The following RGS17 variants were observed in gnomAD, a reference collection of about 807,000 sequenced individuals.
The protein encoded by RGS17 is regulator of G protein signaling 17, also known as regulator of G-protein signaling 17.
In RGS17, 12 loss-of-function variants were observed where a neutral mutation model predicts 25.5. That is an observed-to-expected ratio of 0.47 (90% confidence interval 0.30 to 0.76). The LOEUF (loss-of-function observed/expected upper bound fraction) is 0.76, where lower values mean the gene tolerates loss of function less well. Among genes scored for constraint, RGS17 ranks in the 30% least tolerant of loss-of-function variants. RGS17 has a pLI of 0.07. For missense variants in RGS17, 196 were observed against 242.2 expected (o/e 0.81, Z 1.27); for synonymous variants, 71 against 76.9 (o/e 0.92, Z 0.40).
chr6:153,046,320 T>C (rs1376330694), intron 1 of RGS17, among the ~76,000 whole-genome samples: 1 of 152,024 alleles, frequency 6.6e-6, no homozygotes, highest in African/African-American at 2.4e-5. Context: ...TATATAGTTT[T>C]AAATAGCTGG....
At chr6:153,075,565 A>G (rs1342798864) in intron 1 of RGS17, among the ~76,000 whole-genome samples, 1 of 152,100 alleles carries the variant, frequency 6.6e-6, no homozygotes, top group Non-Finnish European at 1.5e-5. Flanking sequence ...ATAGAGAGAA[A>G]CAACTGATGT....
chr6:153,101,143 G>A (rs1034612026), intron 1 of RGS17, among the ~76,000 whole-genome samples: 1 of 152,128 alleles, frequency 6.6e-6, no homozygotes, highest in South Asian at 2.1e-4. Context: ...TCCAAGCAAC[G>A]GAATAAAAAT....
At chr6:153,012,997 CA>C (rs1289682062) in intron 4 of RGS17, among the ~76,000 whole-genome samples, 1 of 152,074 alleles carries the variant, frequency 6.6e-6, no homozygotes, top group Non-Finnish European at 1.5e-5. Context: ...GATGGCAATC[CA>C]GACTACATTT....
intron 1 of RGS17, among the ~76,000 whole-genome samples, chr6:153,111,295 T>C (rs1777466181): frequency 6.6e-6 from 1 of 152,134 alleles, no homozygotes; most frequent in Admixed American, 6.5e-5. Flanking sequence ...GTAGGCAGTT[T>C]TCCCCTCACA....
chr6:153,070,452 A>C (rs1776771926), intron 1 of RGS17, among the ~76,000 whole-genome samples: 1 of 152,116 alleles, frequency 6.6e-6, no homozygotes, highest in South Asian at 2.1e-4. Context: ...CTATGTATAC[A>C]AGTTGGCTCT....
rs536235055 is a variant in RGS17, at chr6:153,086,805, T to C, written c.-25-42762A>G. Among the ~76,000 whole-genome samples the C allele has an allele frequency of 5.3e-5, 8 of 152,346 alleles. No individual in the cohort carries two copies. In the East Asian group the frequency reaches 1.5e-3, roughly 29 times the overall value. ...AGTTTATCATGCAACCTTCTCATTA[T>C]GACTTAGCTTTCACATTATTATTCA... On this transcript the variant is annotated intron_variant, in intron 1 of 4. Coordinates refer to ENST00000206262, the MANE Select transcript of RGS17 (RefSeq NM_012419.5).
chr6:153,102,122 G>T (rs2129123613), intron 1 of RGS17, among the ~76,000 whole-genome samples: 1 of 152,314 alleles, frequency 6.6e-6, no homozygotes, highest in South Asian at 2.1e-4. Flanking sequence ...TAAGGAAAAT[G>T]ATAAGCCTTA....
chr6:153,124,775 T>C (rs1486843279), intron 1 of RGS17, among the ~76,000 whole-genome samples: 2 of 152,224 alleles, frequency 1.3e-5, no homozygotes, highest in African/African-American at 2.4e-5. Flanking sequence ...TTAAATAATA[T>C]GGATTGCTGT....
intron 1 of RGS17, among the ~76,000 whole-genome samples, chr6:153,123,285 A>G (rs1777663840): frequency 6.6e-6 from 1 of 152,120 alleles, no homozygotes; most frequent in African/African-American, 2.4e-5. Flanking sequence ...AAATAGGTTC[A>G]AATCTTACAT....
Position 153,024,357 on chromosome 6 carries a change from A to T in RGS17, c.349T>A (p.Cys117Ser). ...TTCTGCTCCTTCTTTAAGTCTTCAC[A>T]AGCAAGCCAGAAAAGTAGGTTCTCT... is the stretch of plus-strand genomic sequence containing the variant. ...SEENLLFWLA[C>S]EDLKKEQNKK... The change falls in exon 4 of 5, where the codon TGT becomes AGT. Residue 117 changes from cysteine to serine, a missense_variant. This residue lies in a region of RGS17 where 179 missense variants were observed against 197.6 expected (regional missense o/e 0.91). Coordinates refer to ENST00000206262, the MANE Select transcript of RGS17 (RefSeq NM_012419.5). The T allele has an allele frequency of 1.9e-6, 3 of 1,614,148 alleles. No homozygotes were observed. The highest frequency in any genetic ancestry group is 2.5e-6 in the Non-Finnish European group (3 of 1,179,992).
rs1777530133 is a variant in RGS17 at position 153,115,415 on chromosome 6, A to G, written c.-26+15709T>C. On this transcript the variant is annotated intron_variant, in intron 1 of 4. Coordinates refer to ENST00000206262, the MANE Select transcript of RGS17 (RefSeq NM_012419.5). ...CTTCAAGAACTACAAACCACTGCTC[A>G]AGGAAATAAGAGAGGACACAAATGG... is the stretch of plus-strand genomic sequence containing the variant. 2.0e-5 allele frequency among the ~76,000 whole-genome samples: 3 copies of G among 152,210 alleles called. No homozygotes were observed. In the South Asian group the frequency reaches 6.2e-4, roughly 32 times the overall value.
intron 4 of RGS17, among the ~76,000 whole-genome samples, chr6:153,022,817 A>G (rs688092): frequency 0.76 from 116,032 of 152,096 alleles, 45,247 homozygotes; most frequent in African/African-American, 0.94. Context: ...TGCAGTTTTA[A>G]GATGCAGAAT....
intron 1 of RGS17, among the ~76,000 whole-genome samples, chr6:153,064,683 C>T (rs1362187946): frequency 2.0e-5 from 3 of 151,390 alleles, no homozygotes; most frequent in Admixed American, 1.3e-4. Context: ...CATTAATTTT[C>T]ATTTTGCTTC....
At chr6:153,121,935 A>G (rs1417628553) in intron 1 of RGS17, among the ~76,000 whole-genome samples, 3 of 152,224 alleles carry the variant, frequency 2.0e-5, no homozygotes, top group African/African-American at 4.8e-5. Flanking sequence ...CCAGATGTTC[A>G]GTCAATGAAA....
At position 153,051,670 on chromosome 6, in the gene RGS17, GT is replaced by G. The variant is rs1263462349; in HGVS notation, c.-25-7628del. 7.2e-5 allele frequency among the ~76,000 whole-genome samples: 11 copies of G among 152,290 alleles called. No individual in the cohort carries two copies. In the South Asian group the frequency reaches 2.1e-3, roughly 29 times the overall value. On this transcript the variant is annotated intron_variant, in intron 1 of 4. Coordinates refer to ENST00000206262, the MANE Select transcript of RGS17 (RefSeq NM_012419.5). ...AGCTAAGTACTGAAGGCACGGCTTT[GT>G]TCCTCCTGACTGTTTAGTAAAATGT...
chr6:153,124,237 G>T (rs1249824193), intron 1 of RGS17, among the ~76,000 whole-genome samples: 5 of 152,164 alleles, frequency 3.3e-5, no homozygotes, highest in Non-Finnish European at 1.5e-5. Context: ...AAGCTTATAT[G>T]TGAACTCCTT....
At position 153,129,348 on chromosome 6, in the gene RGS17, ACCCTTCCATTAGATAGGAGTGCTATAAT is replaced by A. The variant is rs1777750228; in HGVS notation, c.-26+1748_-26+1775del. Among the ~76,000 whole-genome samples the A allele has an allele frequency of 7.2e-5, 11 of 152,276 alleles. 1 individual carries two copies. The South Asian group carries it at 2.3e-3, about 32-fold the overall frequency. ...ACTTCTCATTCATTTGTATTAAATC[ACCCTTCCATTAGATAGGAGTGCTATAAT>A]GCATATTTCTTGGATAATACTCTCA... On this transcript the variant is annotated intron_variant, in intron 1 of 4. Transcript: ENST00000206262.
chr6:153,034,730 A>T (rs971950563), intron 2 of RGS17, among the ~76,000 whole-genome samples: 13 of 152,206 alleles, frequency 8.5e-5, no homozygotes, highest in African/African-American at 3.1e-4. Flanking sequence ...CGAGGAAGAC[A>T]TGCCATTAGA....
chr6:153,129,781 T>C (rs1020062676), intron 1 of RGS17, among the ~76,000 whole-genome samples: 7 of 152,114 alleles, frequency 4.6e-5, no homozygotes, highest in South Asian at 4.1e-4. Flanking sequence ...ACAAATCTTA[T>C]AGTGAATCTT....
Sources: allele counts gnomAD v4.1 joint callset (sites outside exome capture counted in the v4.1 genomes callset), GRCh38; gene constraint gnomAD v4.1.1; regional missense constraint gnomAD v4.1.1; transcripts MANE v1.5; gene names NCBI Gene and HGNC (gene_info 2026-07-23, HGNC 2026-07-21).